RANBP2: variants seen among roughly 807,000 people sequenced by gnomAD.
The protein encoded by RANBP2 is RAN binding protein 2.
In RANBP2, 57 loss-of-function variants were observed where a neutral mutation model predicts 303.6. The observed-to-expected ratio is 0.19, with a 90% CI of 0.15 to 0.23. RANBP2 has a LOEUF of 0.23. RANBP2 is among the 10% of genes least tolerant of loss of function. The pLI is 1.00. For missense variants in RANBP2, 3,138 were observed against 3,780.8 expected, an observed-to-expected ratio of 0.83 and a Z score of 4.46; for synonymous variants, 1,167 against 1,301.5, an observed-to-expected ratio of 0.90 and a Z score of 2.23.
At chr2:109,563,577 G>A in the RANBP2 span, among the ~76,000 whole-genome samples, 2 of 152,184 alleles carry the variant, frequency 1.3e-5, no homozygotes, top group African/African-American at 4.8e-5. Context: ...GTTGCATAAA[G>A]TCTGGGATAC....
rs867679089 is a variant in RANBP2, at chr2:108,750,826, G to T, written c.1274-438G>T. 9.2e-4 allele frequency among the ~76,000 whole-genome samples: 140 copies of T among 152,274 alleles called. No individual in the cohort carries two copies. The Middle Eastern group carries it at 0.02, about 22-fold the overall frequency. On this transcript the variant is annotated intron_variant, in intron 9 of 28. Coordinates refer to ENST00000283195, the MANE Select transcript of RANBP2 (RefSeq NM_006267.5). ...CTGGTCTCGAACTCCTGACTGCGCAGAACCTTTTCAATATTGACTTTCTTG... is the reference window on the plus strand; with the variant it reads ...CTGGTCTCGAACTCCTGACTGCGCATAACCTTTTCAATATTGACTTTCTTG...
chr2:108,931,136 C>T, the RANBP2 span: 1 of 897,710 alleles, frequency 1.1e-6, no homozygotes, highest in African/African-American at 1.6e-5. Context: ...TTCCAGCAAA[C>T]AGAGGGGAAA....
the RANBP2 span, among the ~76,000 whole-genome samples, chr2:109,418,828 C>A: frequency 6.6e-6 from 1 of 152,060 alleles, no homozygotes; most frequent in Non-Finnish European, 1.5e-5. Context: ...CAAGCTGGGT[C>A]GTAGGGGGAC....
the RANBP2 span, among the ~76,000 whole-genome samples, chr2:109,086,244 G>C: frequency 6.6e-5 from 10 of 152,288 alleles, no homozygotes; most frequent in South Asian, 4.1e-4. Context: ...CTCGGGTGCA[G>C]GTACCTGTTA....
chr2:109,455,118 A>T, the RANBP2 span, among the ~76,000 whole-genome samples: 1 of 152,164 alleles, frequency 6.6e-6, no homozygotes, highest in Non-Finnish European at 1.5e-5. Flanking sequence ...TGGCATGGGA[A>T]TGCTGGCCTC....
the RANBP2 span, among the ~76,000 whole-genome samples, chr2:109,481,869 T>C: frequency 6.6e-6 from 1 of 152,124 alleles, no homozygotes; most frequent in Non-Finnish European, 1.5e-5. Flanking sequence ...GATGAGCAAT[T>C]GGCCAAGTCA....
At chr2:109,304,523 G>T in the RANBP2 span, among the ~76,000 whole-genome samples, 1 of 152,196 alleles carries the variant, frequency 6.6e-6, no homozygotes, top group Admixed American at 6.5e-5. Context: ...ACCCCAGGGT[G>T]TCAGTGATGT....
At chr2:109,185,637 G>A in the RANBP2 span, among the ~76,000 whole-genome samples, 1 of 152,144 alleles carries the variant, frequency 6.6e-6, no homozygotes, top group South Asian at 2.1e-4. Context: ...CCCTGGACAG[G>A]ACAGCCCTCA....
the RANBP2 span, among the ~76,000 whole-genome samples, chr2:109,213,645 TG>T: frequency 2.6e-5 from 4 of 152,246 alleles, no homozygotes; most frequent in Non-Finnish European, 1.5e-5. Context: ...GGCAGCAAAC[TG>T]TGTGTCTACA....
intron 23 of RANBP2, among the ~76,000 whole-genome samples, chr2:108,773,486 C>CT (rs1677654093): frequency 6.6e-6 from 1 of 151,948 alleles, no homozygotes; most frequent in African/African-American, 2.4e-5. Context: ...TACACAGGGG[C>CT]TATATGCCAA....
the RANBP2 span, among the ~76,000 whole-genome samples, chr2:109,165,787 G>A: frequency 6.6e-6 from 1 of 152,188 alleles, no homozygotes; most frequent in Middle Eastern, 3.4e-3. Flanking sequence ...TCATCATTTA[G>A]CATGAGTGTG....
chr2:108,911,120 C>A, the RANBP2 span: 2,143 of 1,612,386 alleles, frequency 1.3e-3, 1 homozygote, highest in Non-Finnish European at 1.6e-3. Flanking sequence ...AGGATCCCTG[C>A]TGGTCTTCCC....
At chr2:109,032,228 C>A in the RANBP2 span, among the ~76,000 whole-genome samples, 1 of 152,142 alleles carries the variant, frequency 6.6e-6, no homozygotes, top group Non-Finnish European at 1.5e-5. Flanking sequence ...TACCTGTCTG[C>A]CTGCACATCA....
At chr2:109,678,693 C>A in the RANBP2 span, among the ~76,000 whole-genome samples, 1 of 152,218 alleles carries the variant, frequency 6.6e-6, no homozygotes, top group Non-Finnish European at 1.5e-5. Flanking sequence ...ATGTGCAGTG[C>A]ATGCTCTGTG....
chr2:109,234,980 C>T, the RANBP2 span, among the ~76,000 whole-genome samples: 32 of 152,200 alleles, frequency 2.1e-4, no homozygotes, highest in Non-Finnish European at 2.8e-4. Context: ...CAGATCCCAA[C>T]GTTTGACTAT....
chr2:109,550,343 C>T, the RANBP2 span, among the ~76,000 whole-genome samples: 1 of 150,688 alleles, frequency 6.6e-6, no homozygotes, highest in Non-Finnish European at 1.5e-5. Context: ...GACGGATTCT[C>T]GCTCTGTTGC....
At chr2:109,459,435 T>C in the RANBP2 span, among the ~76,000 whole-genome samples, 5 of 152,146 alleles carry the variant, frequency 3.3e-5, no homozygotes, top group African/African-American at 4.8e-5. Context: ...CAAACCTTCA[T>C]TCCTGAAGGG....
At chr2:109,431,245 C>T in the RANBP2 span, among the ~76,000 whole-genome samples, 17 of 152,336 alleles carry the variant, frequency 1.1e-4, no homozygotes, top group African/African-American at 3.8e-4. Context: ...TCAGCATCCC[C>T]ACCCAGCAGC....
chr2:108,882,952 G>A, the RANBP2 span: 1 of 152,180 alleles, frequency 6.6e-6, no homozygotes, highest in East Asian at 1.9e-4. Flanking sequence ...ATTAAAGGGT[G>A]TGAGGTAGGG....
Sources: gnomAD v4.1 joint callset for allele counts (sites outside exome capture counted in the v4.1 genomes callset) on GRCh38, gnomAD v4.1.1 for gene constraint, MANE v1.5 for transcripts, NCBI Gene and HGNC (gene_info 2026-07-23, HGNC 2026-07-21) for gene names.